Variants in PRKCB observed in about 807,000 individuals in gnomAD.
PRKCB encodes the protein protein kinase C beta, also known as protein kinase C beta type.
A neutral mutation model predicts 81.5 loss-of-function variants in PRKCB; 13 were observed. The observed-to-expected ratio is 0.16, with a 90% confidence interval of 0.10 to 0.25. The LOEUF is 0.25. Ranked by LOEUF, PRKCB falls within the 10% of genes least tolerant of loss-of-function variation. PRKCB has a pLI of 1.00. For missense variants in PRKCB, 509 were observed against 875.7 expected (o/e 0.58, Z 5.29); for synonymous variants, 335 against 321.4 (o/e 1.04, Z -0.45).
At chr16:23,837,217 A>ACC in intron 1 of PRKCB, 158 bp from the exon 2 acceptor site, 1 of 844,194 alleles carries the variant, frequency 1.2e-6, no homozygotes, top group Non-Finnish European at 2.0e-6. Flanking sequence ...GCTCCCACCT[A>ACC]CCCCCACAAA....
chr16:23,985,250 C>G (rs769481941), intron 2 of PRKCB, among the ~76,000 whole-genome samples: 1 of 152,084 alleles, frequency 6.6e-6, no homozygotes, highest in Non-Finnish European at 1.5e-5. Flanking sequence ...CCTACCACCA[C>G]GCCCAGCTAA....
Position 24,003,639 on chromosome 16 carries a change from C to T in PRKCB, c.288+15049C>T, listed in dbSNP as rs1370120512. On this transcript the variant is annotated intron_variant, in intron 3 of 16. Transcript: ENST00000643927. ...ATCTCAAGTGATCTCCCTGTCTCAG[C>T]CTCTCAAAGTGCTAGGATTACAGGC... Among the ~76,000 whole-genome samples, 3 of 152,274 alleles carry T rather than the reference C, an allele frequency of 2.0e-5. No individual in the cohort carries two copies. The East Asian group carries it at 5.8e-4, about 29-fold the overall frequency.
intron 2 of PRKCB, among the ~76,000 whole-genome samples, chr16:23,911,283 A>G (rs1447851568): frequency 6.6e-6 from 1 of 151,828 alleles, no homozygotes; most frequent in Admixed American, 6.6e-5. Context: ...ATGTGCCACT[A>G]TGCCCAACTG....
At chr16:24,047,537 T>C (rs899081251) in intron 5 of PRKCB, among the ~76,000 whole-genome samples, 52 of 128,342 alleles carry the variant, frequency 4.1e-4, no homozygotes, top group African/African-American at 1.4e-3. Context: ...TCTCTCCTTC[T>C]AAAAAAAAAA....
chr16:24,007,141 G>A (rs1460565453), intron 3 of PRKCB, among the ~76,000 whole-genome samples: 2 of 152,134 alleles, frequency 1.3e-5, no homozygotes, highest in African/African-American at 2.4e-5. Flanking sequence ...TAACCTCCCT[G>A]CTTCAGTTTC....
At chr16:24,021,057 TCC>T (rs1489157183) in intron 3 of PRKCB, among the ~76,000 whole-genome samples, 159 of 36,862 alleles carry the variant, frequency 4.3e-3, no homozygotes, top group African/African-American at 0.017. Context: ...TTTCTTTCTT[TCC>T]CTCCCTCCCT....
intron 2 of PRKCB, among the ~76,000 whole-genome samples, chr16:23,867,969 A>C (rs1962835449): frequency 1.0e-5 from 1 of 98,334 alleles, no homozygotes; most frequent in African/African-American, 4.3e-5. Context: ...TTGGTTGCTA[A>C]AAGCATCCAT....
chr16:24,131,842 A>G (rs1966853756), intron 9 of PRKCB, among the ~76,000 whole-genome samples: 1 of 152,206 alleles, frequency 6.6e-6, no homozygotes, highest in Admixed American at 6.5e-5. Context: ...CTGTCATAAA[A>G]TCTTACACTT....
At position 24,214,822 on chromosome 16, in the gene PRKCB, T is replaced by C. The variant is rs1299249853; in HGVS notation, c.*6T>C. On this transcript the variant is annotated 3_prime_UTR_variant, in exon 17 of 17. Coordinates refer to ENST00000643927, the MANE Select transcript of PRKCB (RefSeq NM_002738.7). ...AACCCGAAGTCAAGAGCTAAGTAGA[T>C]GTGTAGATCTCCGTCCTTCATTTCT... The C allele has an allele frequency of 6.2e-7, 1 of 1,613,286 alleles. No individual in the cohort carries two copies.
At position 24,215,914 on chromosome 16, in the gene PRKCB, A is replaced by G; in HGVS notation, c.*1098A>G. ...CCTCACTTTGATGTTGTTTTGCAAG[A>G]TGTTTGTGGAAATGTTCATTTGTAT... On this transcript the variant is annotated 3_prime_UTR_variant, in exon 17 of 17. Transcript: ENST00000643927. 1 of 984,840 alleles carries G rather than the reference A, an allele frequency of 1.0e-6. No homozygotes were observed. Among genetic ancestry groups the G allele is most frequent in the African/African-American group, 1.7e-5 (1 of 57,168 alleles). 61.0% of individuals were successfully genotyped at this position (984,840 alleles called of 1,614,324 possible). A position where few individuals can be genotyped will look rare whatever the true frequency, so the allele number is the denominator to read the frequency against.
intron 2 of PRKCB, among the ~76,000 whole-genome samples, chr16:23,882,450 C>G (rs1963139486): frequency 6.6e-6 from 1 of 152,156 alleles, no homozygotes; most frequent in Non-Finnish European, 1.5e-5. Flanking sequence ...GTCTCAAACT[C>G]CTGGCCTCAA....
intron 7 of PRKCB, among the ~76,000 whole-genome samples, chr16:24,096,667 ATATATATATATATATAT>A (rs1160040730): frequency 0.086 from 1,537 of 17,804 alleles, 106 homozygotes; most frequent in South Asian, 0.26. Context: ...AAAAAAAAAA[ATATATATATATATATAT>A]ATATATATAT....
intron 10 of PRKCB, among the ~76,000 whole-genome samples, chr16:24,166,665 G>A (rs889240458): frequency 6.6e-6 from 1 of 152,126 alleles, no homozygotes; most frequent in African/African-American, 2.4e-5. Context: ...CCCTCGCCTG[G>A]GAATCCTTAA....
intron 2 of PRKCB, among the ~76,000 whole-genome samples, chr16:23,882,593 T>C (rs1597226599): frequency 6.6e-6 from 1 of 152,356 alleles, no homozygotes. Context: ...TGTTGTAGCA[T>C]ATGTCAGAAT....
rs374744056 is a variant in PRKCB, at chr16:24,123,891, C to G, written c.975C>G (p.Val325=). Residue 325 remains valine, a synonymous_variant, in exon 9 of 17, where the codon GTC becomes GTG. Transcript: ENST00000643927. The part of the protein sequence containing the change: ...KVPEEKTTNT[V]SKFDNNGNRD... ...CGGAAGAAAAGACGACCAACACTGT[C>G]TCCAAATTTGACAACAATGGCAACA... The G allele has an allele frequency of 1.8e-5, 29 of 1,614,058 alleles. No individual in the cohort carries two copies. Among genetic ancestry groups the G allele is most frequent in the Non-Finnish European group, 2.4e-5 (28 of 1,180,022 alleles).
At chr16:24,175,924 A>T (rs1967522457) in intron 12 of PRKCB, among the ~76,000 whole-genome samples, 1 of 149,434 alleles carries the variant, frequency 6.7e-6, no homozygotes, top group East Asian at 2.0e-4. Flanking sequence ...ATGAGCTGTG[A>T]TCATACTACT....
At chr16:24,155,709 C>T (rs1172628273) in intron 10 of PRKCB, among the ~76,000 whole-genome samples, 1 of 152,192 alleles carries the variant, frequency 6.6e-6, no homozygotes, top group Non-Finnish European at 1.5e-5. Context: ...CACTACAGTA[C>T]TTTGCATCTA....
intron 16 of PRKCB, among the ~76,000 whole-genome samples, chr16:24,208,860 G>T (rs1183478816): frequency 6.6e-6 from 1 of 152,158 alleles, no homozygotes; most frequent in Non-Finnish European, 1.5e-5. Flanking sequence ...TAACAGGGAG[G>T]CTGTGATCTG....
intron 2 of PRKCB, among the ~76,000 whole-genome samples, chr16:23,928,997 G>A (rs1158282643): frequency 6.6e-6 from 1 of 152,082 alleles, no homozygotes; most frequent in Admixed American, 6.6e-5. Context: ...GATTACAGGC[G>A]TGAGCCACTG....
Sources: gnomAD v4.1 joint callset for allele counts (sites outside exome capture counted in the v4.1 genomes callset) on GRCh38, gnomAD v4.1.1 for gene constraint, MANE v1.5 for transcripts, NCBI Gene and HGNC (gene_info 2026-07-23, HGNC 2026-07-21) for gene names.